ROBO2: variants seen among roughly 807,000 people sequenced by gnomAD.
The protein encoded by ROBO2 is roundabout guidance receptor 2.
Under a neutral mutation model 160.8 loss-of-function variants are expected in ROBO2, and 53 were observed. The ratio of observed to expected loss-of-function variants is 0.33; its 90% confidence interval spans 0.26 to 0.41. The LOEUF (loss-of-function observed/expected upper bound fraction) is 0.41, where lower values mean the gene tolerates loss of function less well. Among genes scored for constraint, ROBO2 ranks in the 10% least tolerant of loss-of-function variants. The pLI is 1.00. For missense variants in ROBO2, 1,577 were observed against 1,722.4 expected (o/e 0.92, Z 1.49); for synonymous variants, 664 against 611.7 (o/e 1.09, Z -1.26).
At chr3:76,163,805 T>A (rs79816613) in intron 2 of ROBO2, among the ~76,000 whole-genome samples, 1 of 152,050 alleles carries the variant, frequency 6.6e-6, no homozygotes, top group Admixed American at 6.6e-5. Context: ...TGAGTTGTAA[T>A]CTTTTCATGG....
chr3:76,590,093 A>T (rs2108815063), intron 2 of ROBO2, among the ~76,000 whole-genome samples: 1 of 152,286 alleles, frequency 6.6e-6, no homozygotes, highest in South Asian at 2.1e-4. Context: ...TATATGTAAT[A>T]GACTCTCATG....
At chr3:75,999,561 G>A (rs535094638) in intron 2 of ROBO2, among the ~76,000 whole-genome samples, 1 of 152,094 alleles carries the variant, frequency 6.6e-6, no homozygotes, top group Non-Finnish European at 1.5e-5. Flanking sequence ...CAACTGGAAA[G>A]CATTTTTTAA....
At chr3:76,887,026 G>A (rs908536032) in intron 2 of ROBO2, among the ~76,000 whole-genome samples, 3 of 152,118 alleles carry the variant, frequency 2.0e-5, no homozygotes, top group African/African-American at 7.2e-5. Context: ...GTGTTCTAAG[G>A]TATTCTTATG....
At chr3:77,335,846 T>C (rs949359984) in intron 2 of ROBO2, among the ~76,000 whole-genome samples, 1 of 152,216 alleles carries the variant, frequency 6.6e-6, no homozygotes, top group Admixed American at 6.5e-5. Flanking sequence ...AAGAGAGAGA[T>C]ATCCACCAAA....
chr3:77,277,535 TAA>T (rs2059970219), intron 2 of ROBO2, among the ~76,000 whole-genome samples: 1 of 152,130 alleles, frequency 6.6e-6, no homozygotes, highest in Non-Finnish European at 1.5e-5. Flanking sequence ...CTCTCACTTA[TAA>T]GTGAGAACGT....
intron 2 of ROBO2, among the ~76,000 whole-genome samples, chr3:77,476,844 G>T (rs2084069765): frequency 6.6e-6 from 1 of 152,166 alleles, no homozygotes; most frequent in African/African-American, 2.4e-5. Context: ...GTTGCAGAAT[G>T]AAAATGTAGC....
At chr3:76,403,663 C>A (rs1027268802) in intron 2 of ROBO2, among the ~76,000 whole-genome samples, 1 of 151,568 alleles carries the variant, frequency 6.6e-6, no homozygotes, top group Admixed American at 6.6e-5. Flanking sequence ...TCATCATAAG[C>A]ACTGGCAGAG....
chr3:76,848,035 C>T (rs1402744556), intron 2 of ROBO2, among the ~76,000 whole-genome samples: 2 of 152,080 alleles, frequency 1.3e-5, no homozygotes, highest in African/African-American at 4.8e-5. Context: ...AGTCTGGAAA[C>T]TACCAGTTTA....
intron 2 of ROBO2, among the ~76,000 whole-genome samples, chr3:77,211,142 TAG>T (rs1481474012): frequency 6.6e-6 from 1 of 152,210 alleles, no homozygotes; most frequent in Admixed American, 6.5e-5. Flanking sequence ...TTTCTAGTTC[TAG>T]ATCCCTGAGG....
At chr3:76,072,414 T>G (rs1316953363) in intron 2 of ROBO2, among the ~76,000 whole-genome samples, 1 of 152,192 alleles carries the variant, frequency 6.6e-6, no homozygotes, top group African/African-American at 2.4e-5. Flanking sequence ...CTTAGTTGTA[T>G]TTTATTTTTA....
chr3:77,451,793 C>CT (rs1243462924), intron 2 of ROBO2, among the ~76,000 whole-genome samples: 4 of 150,428 alleles, frequency 2.7e-5, no homozygotes, highest in African/African-American at 7.4e-5. Flanking sequence ...TTTTATTATA[C>CT]TTTAAGTTCT....
intron 2 of ROBO2, among the ~76,000 whole-genome samples, chr3:76,841,946 G>C (rs1195035690): frequency 6.6e-6 from 1 of 152,254 alleles, no homozygotes; most frequent in South Asian, 2.1e-4. Context: ...CAGCATAAGG[G>C]CAATCTGATA....
intron 2 of ROBO2, among the ~76,000 whole-genome samples, chr3:76,915,276 G>T (rs949154102): frequency 6.6e-6 from 1 of 152,110 alleles, no homozygotes; most frequent in Admixed American, 6.6e-5. Context: ...ATACATGAAT[G>T]ATGTGTCTTC....
chr3:76,193,866 A>G (rs997722227), intron 2 of ROBO2, among the ~76,000 whole-genome samples: 1 of 152,182 alleles, frequency 6.6e-6, no homozygotes, highest in Non-Finnish European at 1.5e-5. Flanking sequence ...TTATTGAAGA[A>G]CTATGTGTTC....
chr3:76,307,250 A>G (rs2071376054), intron 2 of ROBO2, among the ~76,000 whole-genome samples: 1 of 152,128 alleles, frequency 6.6e-6, no homozygotes, highest in Non-Finnish European at 1.5e-5. Context: ...TCATTATTTG[A>G]TACTTAGTGG....
At chr3:76,189,074 C>A (rs1294957918) in intron 2 of ROBO2, among the ~76,000 whole-genome samples, 1 of 152,038 alleles carries the variant, frequency 6.6e-6, no homozygotes, top group African/African-American at 2.4e-5. Flanking sequence ...AACACTGAGT[C>A]AGCAGTGAAG....
intron 5 of ROBO2, 137 bp downstream of exon 5, chr3:77,493,519 C>A: frequency 1.1e-6 from 1 of 910,416 alleles, no homozygotes; most frequent in Non-Finnish European, 1.8e-6. Context: ...CATATGCAAG[C>A]CACATATTTA....
chr3:76,406,492 C>G (rs1351942140), intron 2 of ROBO2, among the ~76,000 whole-genome samples: 1 of 151,504 alleles, frequency 6.6e-6, no homozygotes, highest in Non-Finnish European at 1.5e-5. Flanking sequence ...AGAAAATGGC[C>G]CACAGGTAAG....
intron 22 of ROBO2, among the ~76,000 whole-genome samples, chr3:77,620,355 G>T (rs978414109): frequency 1.3e-5 from 2 of 152,162 alleles, no homozygotes; most frequent in East Asian, 3.9e-4. Context: ...AATGTTATGT[G>T]TCCTCTTCCT....
Sources: gnomAD v4.1 joint callset for allele counts (sites outside exome capture counted in the v4.1 genomes callset) on GRCh38, gnomAD v4.1.1 for gene constraint, MANE v1.5 for transcripts, NCBI Gene and HGNC (gene_info 2026-07-23, HGNC 2026-07-21) for gene names.